The following FER1L6 variants were observed in gnomAD, a reference collection of about 807,000 sequenced individuals.
FER1L6 encodes the protein fer-1 like family member 6, also known as fer-1-like protein 6.
Under a neutral mutation model 219.2 loss-of-function variants are expected in FER1L6, and 177 were observed. The observed-to-expected ratio is 0.81, with a 90% CI of 0.71 to 0.91. The LOEUF is 0.91. Ranked by LOEUF, FER1L6 falls within the 40% of genes least tolerant of loss-of-function variation. The probability of loss-of-function intolerance (pLI) is 0.00; values close to 1 mark genes in which losing one functional copy is unlikely to be tolerated. For synonymous variants in FER1L6, 768 were observed against 824.3 expected (o/e 0.93, Z 1.17); for missense variants, 2,153 against 2,259.9 (o/e 0.95, Z 0.96).
At chr8:123,917,881 G>T (rs1015227555) in intron 1 of FER1L6, among the ~76,000 whole-genome samples, 1 of 152,140 alleles carries the variant, frequency 6.6e-6, no homozygotes, top group African/African-American at 2.4e-5. Flanking sequence ...ACATTAAAAT[G>T]GACTACATTC....
At chr8:123,939,806 CCT>C (rs1274418803) in intron 1 of FER1L6, among the ~76,000 whole-genome samples, 4 of 152,178 alleles carry the variant, frequency 2.6e-5, no homozygotes, top group Admixed American at 6.5e-5. Flanking sequence ...CATGACCACC[CCT>C]GTTTCCAGTT....
At chr8:123,878,341 G>A (rs1817046416) in intron 1 of FER1L6, among the ~76,000 whole-genome samples, 1 of 152,164 alleles carries the variant, frequency 6.6e-6, no homozygotes, top group Non-Finnish European at 1.5e-5. Context: ...CAGAGTCAAA[G>A]TCGTAAGGAG....
At position 124,117,524 on chromosome 8, in the gene FER1L6, G is replaced by C. The variant is rs190144782; in HGVS notation, c.5290-1320G>C. Among the ~76,000 whole-genome samples the C allele has an allele frequency of 3.9e-3, 589 of 152,260 alleles. 2 individuals are homozygous for C. Among genetic ancestry groups the C allele is most frequent in the Non-Finnish European group, 5.5e-3 (373 of 68,030 alleles). On this transcript the variant is annotated intron_variant, in intron 39 of 40. Coordinates refer to ENST00000522917, the MANE Select transcript of FER1L6 (RefSeq NM_001039112.2). ...AGACTACATATATACATGTTTTCATGAAACATTTCTAGGTCATAGGACATT... is the reference window on the plus strand; with the variant it reads ...AGACTACATATATACATGTTTTCATCAAACATTTCTAGGTCATAGGACATT...
At chr8:124,021,948 T>A (rs1818474686) in intron 17 of FER1L6, among the ~76,000 whole-genome samples, 1 of 152,236 alleles carries the variant, frequency 6.6e-6, no homozygotes, top group African/African-American at 2.4e-5. Context: ...GGAACTTTGA[T>A]AGGTTTTCAA....
intron 1 of FER1L6, among the ~76,000 whole-genome samples, chr8:123,944,804 A>G (rs901704078): frequency 3.3e-5 from 5 of 152,094 alleles, no homozygotes; most frequent in African/African-American, 1.2e-4. Flanking sequence ...AGGGTTCCAT[A>G]TATGGCAAAG....
At chr8:123,917,769 A>G (rs1281314534) in intron 1 of FER1L6, among the ~76,000 whole-genome samples, 1 of 152,218 alleles carries the variant, frequency 6.6e-6, no homozygotes, top group Non-Finnish European at 1.5e-5. Flanking sequence ...TTATACACAA[A>G]TTGTATCGCA....
At chr8:123,928,217 C>T (rs1813637639) in intron 1 of FER1L6, among the ~76,000 whole-genome samples, 1 of 152,158 alleles carries the variant, frequency 6.6e-6, no homozygotes, top group Non-Finnish European at 1.5e-5. Context: ...ACTAATATTA[C>T]TGTAGCCTGA....
At chr8:123,887,291 A>C (rs1268291576) in intron 1 of FER1L6, among the ~76,000 whole-genome samples, 2 of 152,216 alleles carry the variant, frequency 1.3e-5, no homozygotes, top group Non-Finnish European at 2.9e-5. Context: ...GGCAAGCAGC[A>C]GGACCTAGAC....
chr8:123,987,371 AT>A (rs150195116), intron 12 of FER1L6, among the ~76,000 whole-genome samples: 7 of 151,268 alleles, frequency 4.6e-5, no homozygotes, highest in South Asian at 2.1e-4. Flanking sequence ...AGATTATTGG[AT>A]TTTTTTTTCC....
intron 1 of FER1L6, among the ~76,000 whole-genome samples, chr8:123,941,609 GT>G (rs1206183814): frequency 2.0e-5 from 3 of 152,168 alleles, no homozygotes; most frequent in Non-Finnish European, 2.9e-5. Flanking sequence ...GATGACTTCT[GT>G]TGATATGTGT....
intron 12 of FER1L6, among the ~76,000 whole-genome samples, chr8:123,997,704 A>G (rs1336357450): frequency 5.9e-5 from 9 of 151,784 alleles, no homozygotes. Context: ...ATTCTTTTCT[A>G]TTCTTTTTTT....
intron 12 of FER1L6, among the ~76,000 whole-genome samples, chr8:123,993,205 G>T (rs913700826): frequency 1.1e-4 from 16 of 152,054 alleles, no homozygotes; most frequent in African/African-American, 3.9e-4. Context: ...CACTTTGGGA[G>T]GCCGAGGCGG....
At chr8:123,955,898 T>C (rs1814992256) in intron 1 of FER1L6, 94 bp from the exon 2 acceptor site, 32 of 1,175,874 alleles carry the variant, frequency 2.7e-5, no homozygotes, top group Non-Finnish European at 3.7e-5. Context: ...GCTGGTGGGC[T>C]TCATGAAGCT....
intron 24 of FER1L6, 99 bp from the exon 25 acceptor site, chr8:124,061,753 G>A (rs541945751): frequency 1.7e-6 from 2 of 1,191,700 alleles, no homozygotes; most frequent in East Asian, 2.4e-5. Flanking sequence ...GGGACAGAAT[G>A]GCAAGGCAGA....
At chr8:123,892,185 G>A (rs1221103398) in intron 1 of FER1L6, among the ~76,000 whole-genome samples, 2 of 151,928 alleles carry the variant, frequency 1.3e-5, no homozygotes, top group Non-Finnish European at 2.9e-5. Flanking sequence ...ACCATACAAA[G>A]GTAAAATTTG....
At chr8:124,067,727 A>T in intron 27 of FER1L6, 40 bp from the exon 28 acceptor site, 1 of 1,549,774 alleles carries the variant, frequency 6.5e-7, no homozygotes, top group Non-Finnish European at 8.9e-7. Context: ...TTAATAAATC[A>T]AGTATTGTGG....
intron 1 of FER1L6, among the ~76,000 whole-genome samples, chr8:123,898,784 TGTAC>T (rs1287616148): frequency 4.8e-5 from 5 of 104,804 alleles, no homozygotes; most frequent in African/African-American, 1.0e-4. Context: ...TATATACGTA[TGTAC>T]ATATATACAT....
Position 124,082,458 on chromosome 8 carries a change from TGTAA to T in FER1L6, c.4391+3_4391+6del. On this transcript the variant is annotated splice_donor_variant and splice_donor_region_variant and intron_variant, in intron 33 of 40. Coordinates refer to ENST00000522917, the MANE Select transcript of FER1L6 (RefSeq NM_001039112.2). LOFTEE classifies it high-confidence loss of function. ...TGTGGCTTGCAGAGCCAGTATGAGATGTAAGTTCTTTCTCCCCGGGAGACACTTG... is the reference window on the plus strand; with the variant it reads ...TGTGGCTTGCAGAGCCAGTATGAGATGTTCTTTCTCCCCGGGAGACACTTG... The T allele has an allele frequency of 6.2e-7, 1 of 1,613,250 alleles. No homozygotes were observed. Among genetic ancestry groups the T allele is most frequent in the South Asian group, 1.1e-5 (1 of 90,932 alleles).
At chr8:123,888,062 T>C (rs1015842438) in intron 1 of FER1L6, among the ~76,000 whole-genome samples, 1 of 152,112 alleles carries the variant, frequency 6.6e-6, no homozygotes, top group African/African-American at 2.4e-5. Flanking sequence ...TTGATGATTG[T>C]GTGTGTATGT....
Sources: gnomAD v4.1 joint callset for allele counts (sites outside exome capture counted in the v4.1 genomes callset) on GRCh38, gnomAD v4.1.1 for gene constraint, MANE v1.5 for transcripts, NCBI Gene and HGNC (gene_info 2026-07-23, HGNC 2026-07-21) for gene names.